Variants in LRRC4C observed in about 807,000 individuals in gnomAD.
LRRC4C encodes leucine-rich repeat-containing protein 4C.
LRRC4C carries 5 observed loss-of-function variants against 33.6 expected under a neutral mutation model. That is an observed-to-expected ratio of 0.15 (90% CI 0.08 to 0.31). LRRC4C has a LOEUF of 0.31. LRRC4C is among the 10% of genes least tolerant of loss of function. The pLI is 1.00. For synonymous variants in LRRC4C, 329 were observed against 302.0 expected, an observed-to-expected ratio of 1.09 and a Z score of -0.93; for missense variants, 560 against 796.7, an observed-to-expected ratio of 0.70 and a Z score of 3.58.
chr11:41,127,544 T>A (rs1942805411), intron 1 of LRRC4C, among the ~76,000 whole-genome samples: 2 of 152,116 alleles, frequency 1.3e-5, no homozygotes, highest in South Asian at 2.1e-4. Context: ...TATTACATAG[T>A]GTAGTAGATA....
chr11:40,903,802 A>C (rs1245100443), intron 2 of LRRC4C, among the ~76,000 whole-genome samples: 1 of 152,162 alleles, frequency 6.6e-6, no homozygotes, highest in Non-Finnish European at 1.5e-5. Flanking sequence ...AATAAGTAAG[A>C]GTATAATTAG....
At chr11:40,195,249 A>T (rs1417962864) in intron 5 of LRRC4C, among the ~76,000 whole-genome samples, 1 of 152,204 alleles carries the variant, frequency 6.6e-6, no homozygotes, top group Non-Finnish European at 1.5e-5. Context: ...TACACACTAG[A>T]AAAGACTAGA....
intron 1 of LRRC4C, among the ~76,000 whole-genome samples, chr11:41,255,405 G>A (rs1050402136): frequency 1.3e-5 from 2 of 151,982 alleles, no homozygotes; most frequent in African/African-American, 4.8e-5. Flanking sequence ...ATTTTAAAGG[G>A]AATGACCCCA....
chr11:40,196,722 C>T (rs1590679649), intron 5 of LRRC4C, among the ~76,000 whole-genome samples: 2 of 152,258 alleles, frequency 1.3e-5, no homozygotes, highest in South Asian at 4.1e-4. Context: ...AACATGGGCT[C>T]TAAGTACAGT....
chr11:41,109,026 A>G (rs991647761), intron 1 of LRRC4C, among the ~76,000 whole-genome samples: 9 of 151,996 alleles, frequency 5.9e-5, no homozygotes, highest in African/African-American at 1.2e-4. Flanking sequence ...TTGATGTGAC[A>G]TTTTCCATTC....
intron 1 of LRRC4C, among the ~76,000 whole-genome samples, chr11:41,122,025 G>A (rs1487091): frequency 0.25 from 37,603 of 151,818 alleles, 5,050 homozygotes; most frequent in East Asian, 0.46. Flanking sequence ...GTAGAATAAC[G>A]TCAAATTTGT....
intron 5 of LRRC4C, among the ~76,000 whole-genome samples, chr11:40,159,161 T>A (rs923286853): frequency 6.6e-6 from 1 of 152,184 alleles, no homozygotes; most frequent in Admixed American, 6.5e-5. Flanking sequence ...TCTAAAATAT[T>A]TCTCCCATTG....
chr11:40,332,412 T>C (rs1946402959), intron 3 of LRRC4C, among the ~76,000 whole-genome samples: 1 of 152,180 alleles, frequency 6.6e-6, no homozygotes, highest in Non-Finnish European at 1.5e-5. Flanking sequence ...CACCAGTCAT[T>C]GGAGTTAGGG....
chr11:40,688,640 T>G (rs745960942), intron 2 of LRRC4C, among the ~76,000 whole-genome samples: 2 of 151,990 alleles, frequency 1.3e-5, no homozygotes, highest in Non-Finnish European at 2.9e-5. Context: ...GGACACCAAA[T>G]GCTCCTACGT....
At chr11:41,294,601 T>G (rs1400540647) in intron 1 of LRRC4C, among the ~76,000 whole-genome samples, 1 of 152,220 alleles carries the variant, frequency 6.6e-6, no homozygotes, top group Non-Finnish European at 1.5e-5. Flanking sequence ...GAGGTAAGAT[T>G]TACTCTATCA....
chr11:40,184,553 T>C (rs7102878), intron 5 of LRRC4C, among the ~76,000 whole-genome samples: 116,283 of 152,090 alleles, frequency 0.76, 44,954 homozygotes, highest in East Asian at 0.9. Flanking sequence ...AATGAAAACT[T>C]CACAAGCATC....
At chr11:41,328,626 T>A (rs980842171) in intron 1 of LRRC4C, among the ~76,000 whole-genome samples, 3 of 152,080 alleles carry the variant, frequency 2.0e-5, no homozygotes, top group African/African-American at 7.2e-5. Flanking sequence ...CTACTGAACA[T>A]AGCCATCTGT....
intron 1 of LRRC4C, among the ~76,000 whole-genome samples, chr11:41,160,427 A>T (rs574234792): frequency 6.6e-6 from 1 of 152,008 alleles, no homozygotes; most frequent in South Asian, 2.1e-4. Flanking sequence ...TGGAAGTAAG[A>T]TTATTGTGTA....
intron 2 of LRRC4C, among the ~76,000 whole-genome samples, chr11:40,732,370 T>C (rs1446722186): frequency 6.6e-6 from 1 of 152,186 alleles, no homozygotes; most frequent in East Asian, 1.9e-4. Flanking sequence ...ATCTCAATGG[T>C]TTAAGCCGTA....
intron 1 of LRRC4C, among the ~76,000 whole-genome samples, chr11:41,452,651 T>C (rs1956063740): frequency 6.6e-6 from 1 of 152,068 alleles, no homozygotes; most frequent in Non-Finnish European, 1.5e-5. Flanking sequence ...CTGAATTCGT[T>C]CTCTTTCTTT....
chr11:40,403,639 C>T (rs997135550), intron 3 of LRRC4C, among the ~76,000 whole-genome samples: 1 of 152,060 alleles, frequency 6.6e-6, no homozygotes, highest in Admixed American at 6.6e-5. Context: ...TAGACTTTTG[C>T]TACTTCAATT....
At chr11:41,165,325 G>A (rs1590810094) in intron 1 of LRRC4C, among the ~76,000 whole-genome samples, 1 of 152,106 alleles carries the variant, frequency 6.6e-6, no homozygotes, top group African/African-American at 2.4e-5. Context: ...TGACCGAAAT[G>A]TCATTATGTG....
intron 2 of LRRC4C, among the ~76,000 whole-genome samples, chr11:40,742,393 C>T (rs1417044380): frequency 6.6e-6 from 1 of 151,924 alleles, no homozygotes; most frequent in Non-Finnish European, 1.5e-5. Context: ...CTAATTAAGG[C>T]TTGGTTTCCT....
At chr11:41,244,473 A>T (rs1259686527) in intron 1 of LRRC4C, among the ~76,000 whole-genome samples, 4 of 152,204 alleles carry the variant, frequency 2.6e-5, no homozygotes, top group African/African-American at 9.6e-5. Context: ...AGTACATTGG[A>T]TCCAGCTAAG....
Sources: gnomAD v4.1 joint callset for allele counts (sites outside exome capture counted in the v4.1 genomes callset) on GRCh38, gnomAD v4.1.1 for gene constraint, MANE v1.5 for transcripts, NCBI Gene and HGNC (gene_info 2026-07-23, HGNC 2026-07-21) for gene names.